MAPK8IP3: variants seen among roughly 807,000 people sequenced by gnomAD.
MAPK8IP3 encodes the protein C-Jun-amino-terminal kinase-interacting protein 3.
A neutral mutation model predicts 157.8 loss-of-function variants in MAPK8IP3; 49 were observed. The observed-to-expected ratio is 0.31, with a 90% confidence interval of 0.25 to 0.39. The LOEUF (loss-of-function observed/expected upper bound fraction) is 0.39. Among genes scored for constraint, MAPK8IP3 ranks in the 10% least tolerant of loss-of-function variants. The pLI is 1.00. For missense variants in MAPK8IP3, 1,478 were observed against 1,889.4 expected (o/e 0.78, Z 4.04); for synonymous variants, 897 against 777.7 (o/e 1.15, Z -2.55).
intron 4 of MAPK8IP3, among the ~76,000 whole-genome samples, chr16:1,733,023 C>A (rs1015062493): frequency 1.3e-5 from 2 of 152,266 alleles, no homozygotes; most frequent in Admixed American, 6.5e-5. Flanking sequence ...ACATCCTCAC[C>A]TCTGGCTCTC....
intron 1 of MAPK8IP3, among the ~76,000 whole-genome samples, chr16:1,720,321 C>T (rs144618815): frequency 0.014 from 2,095 of 152,304 alleles, 30 homozygotes; most frequent in South Asian, 0.038. Flanking sequence ...CAGGCATGAG[C>T]CACCGTGCCC....
intron 1 of MAPK8IP3, among the ~76,000 whole-genome samples, chr16:1,708,667 A>T (rs1311538026): frequency 1.3e-5 from 2 of 152,090 alleles, no homozygotes; most frequent in African/African-American, 4.8e-5. Context: ...TTGCAAAGCT[A>T]TCACCTTTAG....
chr16:1,711,085 A>G (rs1446675444), intron 1 of MAPK8IP3, among the ~76,000 whole-genome samples: 1 of 152,272 alleles, frequency 6.6e-6, no homozygotes, highest in Non-Finnish European at 1.5e-5. Flanking sequence ...AGCTGAGAGA[A>G]GTCAGTTCTT....
chr16:1,717,750 A>C (rs2038248532), intron 1 of MAPK8IP3, among the ~76,000 whole-genome samples: 1 of 152,242 alleles, frequency 6.6e-6, no homozygotes, highest in East Asian at 1.9e-4. Flanking sequence ...AAATGCTGAT[A>C]GTTAAAACTT....
intron 16 of MAPK8IP3, 91 bp downstream of exon 16, chr16:1,763,097 C>G: frequency 6.5e-7 from 1 of 1,531,462 alleles, no homozygotes; most frequent in Admixed American, 1.8e-5. Context: ...TGAAGCGGGA[C>G]TTTGAGGGCA....
At chr16:1,716,964 C>T (rs1436164172) in intron 1 of MAPK8IP3, among the ~76,000 whole-genome samples, 2 of 151,782 alleles carry the variant, frequency 1.3e-5, no homozygotes, top group East Asian at 1.9e-4. Flanking sequence ...GATGCTGAGG[C>T]AGGAGAAACA....
intron 1 of MAPK8IP3, among the ~76,000 whole-genome samples, chr16:1,722,760 G>A (rs571923002): frequency 6.6e-6 from 1 of 151,270 alleles, no homozygotes; most frequent in South Asian, 2.1e-4. Context: ...GCTGGAGTGC[G>A]GTGGCGCTAT....
intron 4 of MAPK8IP3, among the ~76,000 whole-genome samples, chr16:1,737,708 ATC>A (rs150408307): frequency 1.2e-4 from 8 of 66,710 alleles, no homozygotes; most frequent in Admixed American, 4.2e-4. Context: ...CCATGTGAGC[ATC>A]TGTGTGACCG....
intron 1 of MAPK8IP3, among the ~76,000 whole-genome samples, chr16:1,723,446 G>A (rs1202391564): frequency 1.3e-5 from 2 of 151,926 alleles, no homozygotes; most frequent in South Asian, 2.1e-4. Flanking sequence ...CACTGTGCCC[G>A]GCCTCTACAA....
chr16:1,761,796 C>T (rs1221191929), intron 13 of MAPK8IP3, among the ~76,000 whole-genome samples: 1 of 152,094 alleles, frequency 6.6e-6, no homozygotes, highest in Non-Finnish European at 1.5e-5. Context: ...CATTCCCACA[C>T]ATTCACACGC....
At chr16:1,738,448 G>A (rs1179551621) in intron 4 of MAPK8IP3, among the ~76,000 whole-genome samples, 1 of 113,180 alleles carries the variant, frequency 8.8e-6, no homozygotes, top group African/African-American at 3.7e-5. Flanking sequence ...GACCATCCAT[G>A]TGAGCATGTG....
intron 4 of MAPK8IP3, chr16:1,734,971 C>T (rs1567160736): frequency 1.3e-5 from 2 of 154,686 alleles, no homozygotes; most frequent in Non-Finnish European, 2.9e-5. Flanking sequence ...TGTGTGGCCA[C>T]ATGTGTGCCG....
rs1050924366 is a variant in MAPK8IP3, at chr16:1,751,957, C to T, written c.1216+3237C>T. The T allele has an allele frequency of 2.6e-5, 4 of 152,338 alleles. No individual in the cohort carries two copies. Among genetic ancestry groups the T allele is most frequent in the African/African-American group, 9.6e-5 (4 of 41,462 alleles). 9.4% of individuals were successfully genotyped at this position (152,338 alleles called of 1,614,324 possible). The stretch of plus-strand genomic sequence containing the variant: ...ACCTGTTTGCCCTAATGGGCCCCTG[C>T]TTGGTGCTTTCCACCTTTGGGAGGC... On this transcript the variant is annotated intron_variant, in intron 8 of 31. Transcript: ENST00000610761. The surrounding 1 kb of genome is among the most constrained non-coding windows in gnomAD (Gnocchi z 5.0).
Position 1,766,359 on chromosome 16 carries a change from C to T in MAPK8IP3, c.2769C>T (p.His923=), listed in dbSNP as rs747462024. The T allele has an allele frequency of 8.7e-6, 14 of 1,612,530 alleles. No individual in the cohort carries two copies. Among genetic ancestry groups the T allele is most frequent in the African/African-American group, 4.0e-5 (3 of 74,940 alleles). ...ATLRPGPLTE[H]VFTDPAPTPS... is the part of the protein sequence containing the mutation. ...TGCGGCCCGGGCCTCTCACAGAGCA[C>T]GTCTTCACTGACCCAGCCCCGACCC... Residue 923 remains histidine, a synonymous_variant, in exon 22 of 32, where the codon CAC becomes CAT. Transcript: ENST00000610761.
chr16:1,719,713 G>T (rs1447975415), intron 1 of MAPK8IP3, among the ~76,000 whole-genome samples: 1 of 151,602 alleles, frequency 6.6e-6, no homozygotes, highest in Non-Finnish European at 1.5e-5. Context: ...CAATGTGGTG[G>T]CACGTGCCTG....
rs776126903 is a variant in MAPK8IP3, at chr16:1,762,346, C to T, written c.1540-5C>T. 1.9e-5 allele frequency: 30 copies of T among 1,567,256 alleles called. No homozygotes were observed. The highest frequency in any genetic ancestry group is 2.5e-5 in the Non-Finnish European group (29 of 1,157,034). On this transcript the variant is annotated splice_region_variant and splice_polypyrimidine_tract_variant and intron_variant, in intron 13 of 31. Transcript: ENST00000610761. ...GGCTGAGCCTCTGTGCCCCTCCCTC[C>T]GCAGGACAAAATCCCCATGGCCCAG...
At chr16:1,712,127 T>G (rs2142275065) in intron 1 of MAPK8IP3, among the ~76,000 whole-genome samples, 1 of 129,644 alleles carries the variant, frequency 7.7e-6, no homozygotes, top group South Asian at 2.9e-4. Flanking sequence ...AGTGGCGCAA[T>G]CTCGGCTCAC....
At chr16:1,761,369 G>A in intron 13 of MAPK8IP3, 64 bp downstream of exon 13, 2 of 1,447,226 alleles carry the variant, frequency 1.4e-6, no homozygotes, top group Non-Finnish European at 9.6e-7. Flanking sequence ...AGGCGGGGCG[G>A]CCACCGTTCA....
intron 13 of MAPK8IP3, among the ~76,000 whole-genome samples, chr16:1,761,710 C>T (rs1454220009): frequency 2.0e-5 from 3 of 152,006 alleles, no homozygotes; most frequent in East Asian, 3.9e-4. Context: ...CATTCCCAGG[C>T]GGGGCGGCCA....
Sources: gnomAD v4.1 joint callset for allele counts (sites outside exome capture counted in the v4.1 genomes callset) on GRCh38, gnomAD v4.1.1 for gene constraint, Gnocchi (gnomAD v3.1) non-coding constraint, MANE v1.5 for transcripts, NCBI Gene and HGNC (gene_info 2026-07-23, HGNC 2026-07-21) for gene names.